GARRE1: variants seen among roughly 807,000 people sequenced by gnomAD.
GARRE1 encodes the protein granule associated Rac and RHOG effector protein 1.
GARRE1 carries 49 observed loss-of-function variants against 103.2 expected under a neutral mutation model. The observed-to-expected ratio is 0.47, with a 90% CI of 0.38 to 0.60. GARRE1 has a LOEUF of 0.60. Among genes scored for constraint, GARRE1 ranks in the 20% least tolerant of loss-of-function variants. The probability of loss-of-function intolerance (pLI) is 0.00; values close to 1 mark genes in which losing one functional copy is unlikely to be tolerated. For synonymous variants in GARRE1, 505 were observed against 532.8 expected, an observed-to-expected ratio of 0.95 and a Z score of 0.72; for missense variants, 1,199 against 1,370.5, an observed-to-expected ratio of 0.87 and a Z score of 1.98.
intron 1 of GARRE1, among the ~76,000 whole-genome samples, chr19:34,278,028 A>T (rs992922732): frequency 1.3e-5 from 2 of 151,534 alleles, no homozygotes; most frequent in Admixed American, 6.6e-5. Context: ...GTGGTAGAAT[A>T]TGCATAACAC....
chr19:34,315,376 G>T lies in GARRE1; in HGVS notation c.496-4531G>T, dbSNP rs548954516. Among the ~76,000 whole-genome samples, 308 of 152,282 alleles carry T rather than the reference G, an allele frequency of 2.0e-3. 2 individuals carry two copies. The highest frequency in any genetic ancestry group is 7.2e-3 in the African/African-American group (298 of 41,558). On this transcript the variant is annotated intron_variant, in intron 2 of 13. Coordinates refer to ENST00000299505, the MANE Select transcript of GARRE1 (RefSeq NM_014686.5). ...CTTTGAAATATTCCAGGAAAGCAGAGTTGACATGTAGGTTGATCTGCAACA... is the reference window on the plus strand; with the variant it reads ...CTTTGAAATATTCCAGGAAAGCAGATTTGACATGTAGGTTGATCTGCAACA...
intron 1 of GARRE1, among the ~76,000 whole-genome samples, chr19:34,257,361 G>A (rs1174780140): frequency 1.3e-5 from 2 of 151,466 alleles, no homozygotes; most frequent in Admixed American, 1.3e-4. Flanking sequence ...TTTTTGAGTC[G>A]GAGTCTCCCT....
intron 1 of GARRE1, among the ~76,000 whole-genome samples, chr19:34,260,374 G>T (rs1414414003): frequency 6.6e-6 from 1 of 152,186 alleles, no homozygotes; most frequent in Admixed American, 6.5e-5. Flanking sequence ...AACATCATGT[G>T]ACTTGCTTCA....
intron 4 of GARRE1, 83 bp from the exon 5 acceptor site, chr19:34,327,688 A>C (rs1568307442): frequency 1.9e-5 from 29 of 1,489,724 alleles, no homozygotes; most frequent in Non-Finnish European, 2.7e-5. Context: ...AGCTATAGAA[A>C]TTTAAGATTT....
rs537733336 is a variant in GARRE1 at position 34,305,450 on chromosome 19, C to T, written c.495+4482C>T. Among the ~76,000 whole-genome samples the T allele has an allele frequency of 2.4e-3, 373 of 152,276 alleles. 1 individual carries two copies. The highest frequency in any genetic ancestry group is 7.0e-3 in the South Asian group (34 of 4,826). ...CAGCTGTCACCCCATGATGACATAG[C>T]GCTCTTAGCTTTATTCAGGACTTCA... On this transcript the variant is annotated intron_variant, in intron 2 of 13. Transcript: ENST00000299505.
At chr19:34,328,276 C>G in intron 6 of GARRE1, 125 bp downstream of exon 6, 1 of 1,070,184 alleles carries the variant, frequency 9.3e-7, no homozygotes, top group Admixed American at 2.6e-5. Context: ...TGGCTCACGC[C>G]TGTAATCCTA....
At chr19:34,330,471 T>G in intron 7 of GARRE1, 124 bp downstream of exon 7, 2 of 950,506 alleles carry the variant, frequency 2.1e-6, no homozygotes, top group Non-Finnish European at 3.1e-6. Context: ...TGCTGTGGAA[T>G]TTAGACCAGG....
At chr19:34,312,053 C>T (rs555249913) in intron 2 of GARRE1, among the ~76,000 whole-genome samples, 36 of 151,914 alleles carry the variant, frequency 2.4e-4, no homozygotes, top group African/African-American at 6.5e-4. Flanking sequence ...TGGGCTTAAG[C>T]GATCCTCCTG....
chr19:34,320,199 A>T, intron 3 of GARRE1, 83 bp downstream of exon 3: 1 of 1,085,844 alleles, frequency 9.2e-7, no homozygotes. Flanking sequence ...TTCTCAAAAC[A>T]GCCATTTCAT....
chr19:34,263,465 T>C (rs2145952351), intron 1 of GARRE1, among the ~76,000 whole-genome samples: 1 of 151,932 alleles, frequency 6.6e-6, no homozygotes, highest in South Asian at 2.1e-4. Flanking sequence ...CCTGTGTATA[T>C]GTATTTTCTT....
At chr19:34,258,534 C>T (rs1386120190) in intron 1 of GARRE1, among the ~76,000 whole-genome samples, 1 of 152,138 alleles carries the variant, frequency 6.6e-6, no homozygotes, top group Non-Finnish European at 1.5e-5. Flanking sequence ...CCTGTAATCC[C>T]AGCACTTTGG....
intron 1 of GARRE1, among the ~76,000 whole-genome samples, chr19:34,288,251 G>C (rs1366945393): frequency 1.3e-5 from 2 of 152,164 alleles, no homozygotes; most frequent in East Asian, 1.9e-4. Flanking sequence ...CTTCACCTGA[G>C]GCTGCAGTTC....
At chr19:34,315,852 A>G (rs1274340121) in intron 2 of GARRE1, among the ~76,000 whole-genome samples, 3 of 152,212 alleles carry the variant, frequency 2.0e-5, no homozygotes, top group Non-Finnish European at 4.4e-5. Context: ...TGAATACAAC[A>G]TCCTTAGCAG....
At chr19:34,333,153 TCTC>T (rs2074145100) in intron 7 of GARRE1, among the ~76,000 whole-genome samples, 2 of 152,160 alleles carry the variant, frequency 1.3e-5, no homozygotes, top group African/African-American at 4.8e-5. Flanking sequence ...TTCAAGCTAT[TCTC>T]CTGCCTCAGC....
At chr19:34,271,181 T>A (rs1372968771) in intron 1 of GARRE1, among the ~76,000 whole-genome samples, 1 of 152,138 alleles carries the variant, frequency 6.6e-6, no homozygotes, top group Non-Finnish European at 1.5e-5. Flanking sequence ...CTTAGTTTGC[T>A]ACTTAGAGTA....
intron 1 of GARRE1, among the ~76,000 whole-genome samples, chr19:34,256,878 T>C (rs1488864869): frequency 6.6e-6 from 1 of 152,118 alleles, no homozygotes; most frequent in Non-Finnish European, 1.5e-5. Flanking sequence ...ATATTTCATG[T>C]TTGAGATTTT....
At chr19:34,290,310 T>A (rs1312506143) in intron 1 of GARRE1, among the ~76,000 whole-genome samples, 1 of 151,802 alleles carries the variant, frequency 6.6e-6, no homozygotes, top group East Asian at 1.9e-4. Flanking sequence ...GAACCAAGAT[T>A]GCACCACTGT....
chr19:34,257,971 C>G (rs1308788216), intron 1 of GARRE1, among the ~76,000 whole-genome samples: 3 of 150,476 alleles, frequency 2.0e-5, no homozygotes, highest in East Asian at 2.0e-4. Flanking sequence ...CTCACTGCAA[C>G]CTCTGGCTCC....
chr19:34,272,270 G>A (rs1427318526), intron 1 of GARRE1, among the ~76,000 whole-genome samples: 2 of 152,198 alleles, frequency 1.3e-5, no homozygotes, highest in African/African-American at 4.8e-5. Flanking sequence ...CTGGAGTGCA[G>A]TGATGCAATC....
Sources: gnomAD v4.1 joint callset for allele counts (sites outside exome capture counted in the v4.1 genomes callset) on GRCh38, gnomAD v4.1.1 for gene constraint, MANE v1.5 for transcripts, NCBI Gene and HGNC (gene_info 2026-07-23, HGNC 2026-07-21) for gene names.